Variants in RMDN1 observed in about 807,000 individuals in gnomAD.
The protein encoded by RMDN1 is regulator of microtubule dynamics protein 1.
In RMDN1, 48 loss-of-function variants were observed where a neutral mutation model predicts 48.9. The ratio of observed to expected loss-of-function variants is 0.98; its 90% CI spans 0.78 to 1.25. The LOEUF is 1.25. Among genes scored for constraint, RMDN1 ranks in the 50% most tolerant of loss-of-function variants. RMDN1 has a pLI of 0.00. For synonymous variants in RMDN1, 148 were observed against 132.6 expected, an observed-to-expected ratio of 1.12 and a Z score of -0.80; for missense variants, 418 against 373.4, an observed-to-expected ratio of 1.12 and a Z score of -0.98.
intron 2 of RMDN1, among the ~76,000 whole-genome samples, chr8:86,493,984 T>G (rs1430689629): frequency 6.6e-6 from 1 of 152,078 alleles, no homozygotes; most frequent in Non-Finnish European, 1.5e-5. Flanking sequence ...CACTTATATG[T>G]GGAATCTAAA....
chr8:86,511,485 AAG>A (rs201896016), upstream of RMDN1, among the ~76,000 whole-genome samples: 1,489 of 151,614 alleles, frequency 9.8e-3, 28 homozygotes, highest in African/African-American at 0.034. Flanking sequence ...AGAAAAAAAA[AAG>A]AGAGAGAAAA....
chr8:86,504,752 C>G, intron 2 of RMDN1: 2 of 1,056,726 alleles, frequency 1.9e-6, no homozygotes, highest in Admixed American at 1.7e-5. Context: ...TGGCCGAACT[C>G]TTCAGCCAGG....
At chr8:86,504,394 A>G (rs887969250) in intron 2 of RMDN1, 1 of 1,561,612 alleles carries the variant, frequency 6.4e-7, no homozygotes, top group African/African-American at 1.4e-5. Flanking sequence ...ACAGCCAATC[A>G]TCATTTCCAT....
upstream of RMDN1, chr8:86,514,346 T>G (rs1465349944): frequency 3.8e-6 from 3 of 787,416 alleles, no homozygotes; most frequent in African/African-American, 3.7e-5. Context: ...GTCAGCTCCC[T>G]GCGGATGGGC....
rs761026780 is a variant in RMDN1, at chr8:86,473,883, T to G, written c.*425A>C. The stretch of plus-strand genomic sequence containing the variant: ...TACTTTATGTCAGGAACCCACAACA[T>G]CCTAACCACTGTCACCACACCTTCT... On this transcript the variant is annotated 3_prime_UTR_variant, in exon 10 of 10. Transcript: ENST00000406452. 9.0e-6 allele frequency: 9 copies of G among 995,594 alleles called. No individual in the cohort carries two copies. The highest frequency in any genetic ancestry group is 9.6e-6 in the Non-Finnish European group (8 of 836,854). The allele number at this position is 995,594 out of a possible 1,614,324, so 61.7% of individuals were successfully genotyped here.
chr8:86,502,115 T>A (rs1818335155), intron 2 of RMDN1, among the ~76,000 whole-genome samples: 1 of 152,196 alleles, frequency 6.6e-6, no homozygotes, highest in African/African-American at 2.4e-5. Flanking sequence ...CCCTCTCCTT[T>A]ATAATTAAAA....
At chr8:86,513,016 C>A (rs1229644389), upstream of RMDN1, among the ~76,000 whole-genome samples, 2 of 149,992 alleles carry the variant, frequency 1.3e-5, no homozygotes, top group African/African-American at 4.9e-5. Context: ...TCCATTTCTT[C>A]TGTAATTAAA....
chr8:86,503,385 A>AAAAAACAAAACAAAAC (rs1554594088), intron 2 of RMDN1, among the ~76,000 whole-genome samples: 1 of 81,074 alleles, frequency 1.2e-5, no homozygotes, highest in African/African-American at 6.8e-5. Context: ...AAAAAAAAAA[A>AAAAAACAAAACAAAAC]AAAACAAAAA....
At chr8:86,481,284 C>A (rs994233232) in intron 5 of RMDN1, among the ~76,000 whole-genome samples, 1 of 152,082 alleles carries the variant, frequency 6.6e-6, no homozygotes, top group African/African-American at 2.4e-5. Context: ...TGAGTTTTTT[C>A]TCTTTTATGG....
chr8:86,482,960 A>C lies in RMDN1; in HGVS notation c.585+1912T>G, dbSNP rs1253387096. 33 of 757,742 alleles carry C rather than the reference A, an allele frequency of 4.4e-5. No homozygotes were observed. In the Admixed American group the frequency reaches 6.5e-4, roughly 15 times the overall value. The allele number at this position is 757,742 out of a possible 1,614,324, so 46.9% of individuals were successfully genotyped here. A position where few individuals can be genotyped will look rare whatever the true frequency, so the allele number is the denominator to read the frequency against. On this transcript the variant is annotated intron_variant, in intron 5 of 9. Coordinates refer to ENST00000406452, the MANE Select transcript of RMDN1 (RefSeq NM_016033.3). Reference sequence around the variant, plus strand: ...TGGGCTCGGACGAGGTCCCCGGCGGACTGTGGCAGCCGCACTCGCTGCCCC... The same window carrying C: ...TGGGCTCGGACGAGGTCCCCGGCGGCCTGTGGCAGCCGCACTCGCTGCCCC...
chr8:86,508,552 G>A lies in RMDN1; in HGVS notation c.69C>T (p.Leu23=), dbSNP rs773235275. The stretch of plus-strand genomic sequence containing the variant: ...CGCGGCTGCCCGAAGTCCCCGCAGG[G>A]AGACGAGACCCCGGGGCGGCTCCAC... The part of the protein sequence containing the change: ...FRRGAAPGSR[L]PAGTSGSRGH... The change falls in exon 1 of 10, where the codon CTC becomes CTT. Residue 23 remains leucine (L), a synonymous_variant. Coordinates refer to ENST00000406452, the MANE Select transcript of RMDN1 (RefSeq NM_016033.3). 2 of 1,594,526 alleles carry A rather than the reference G, an allele frequency of 1.3e-6. No homozygotes were observed. Among genetic ancestry groups the A allele is most frequent in the Non-Finnish European group, 1.7e-6 (2 of 1,172,732 alleles).
chr8:86,481,912 C>A, intron 5 of RMDN1: 1 of 781,226 alleles, frequency 1.3e-6, no homozygotes, highest in Non-Finnish European at 2.1e-6. Context: ...GGTGGCTCGG[C>A]CAGACACGAA....
Position 86,488,536 on chromosome 8 carries a change from A to G in RMDN1, c.335+16T>C. ...TTGAGGAAACCACAAGCCTAGGCCT[A>G]TCCTACATTGCTTACCTTTCCTTGT... On this transcript the variant is annotated intron_variant, in intron 3 of 9. Coordinates refer to ENST00000406452, the MANE Select transcript of RMDN1 (RefSeq NM_016033.3). 1.3e-6 allele frequency: 2 copies of G among 1,575,114 alleles called. No individual in the cohort carries two copies. The highest frequency in any genetic ancestry group is 1.1e-5 in the South Asian group (1 of 87,562).
downstream of RMDN1, among the ~76,000 whole-genome samples, chr8:86,471,031 A>C (rs1258570150): frequency 6.6e-6 from 1 of 152,148 alleles, no homozygotes; most frequent in East Asian, 1.9e-4. Context: ...AAAGTGGTAA[A>C]ATTTAAATAT....
chr8:86,506,221 C>T (rs1819325679), intron 2 of RMDN1, among the ~76,000 whole-genome samples: 1 of 152,152 alleles, frequency 6.6e-6, no homozygotes. Context: ...CCATTTTGTG[C>T]TTTAGGAGAT....
At chr8:86,468,419 C>T (rs986476960), downstream of RMDN1, 2 of 445,064 alleles carry the variant, frequency 4.5e-6, no homozygotes, top group African/African-American at 2.0e-5. Context: ...TGGTAATTTT[C>T]AAGCCTAAAG....
upstream of RMDN1, among the ~76,000 whole-genome samples, chr8:86,509,255 A>G (rs1231844718): frequency 6.6e-6 from 1 of 152,182 alleles, no homozygotes; most frequent in South Asian, 2.1e-4. Context: ...AAGGATACTG[A>G]TGCCCTTGAA....
At chr8:86,489,805 G>C (rs1816173034) in intron 2 of RMDN1, among the ~76,000 whole-genome samples, 1 of 150,310 alleles carries the variant, frequency 6.7e-6, no homozygotes, top group African/African-American at 2.5e-5. Context: ...ACTCCAGCCT[G>C]GGCGATACAG....
In RMDN1 at chr8:86,480,507, AC is replaced by A. The variant is rs547340609; in HGVS notation, c.586-176del. Among the ~76,000 whole-genome samples, 32 of 152,204 alleles carry A rather than the reference AC, an allele frequency of 2.1e-4. No homozygotes were observed. In the East Asian group the frequency reaches 5.8e-3, roughly 28 times the overall value. The stretch of plus-strand genomic sequence containing the variant: ...TCTTTGATTAAATTCATTTCAAAAC[AC>A]TATTAATGACTTATACTAATGTTAC... On this transcript the variant is annotated intron_variant, in intron 5 of 9. Coordinates refer to ENST00000406452, the MANE Select transcript of RMDN1 (RefSeq NM_016033.3).
Sources: gnomAD v4.1 joint callset for allele counts (sites outside exome capture counted in the v4.1 genomes callset) on GRCh38, gnomAD v4.1.1 for gene constraint, MANE v1.5 for transcripts, NCBI Gene and HGNC (gene_info 2026-07-23, HGNC 2026-07-21) for gene names.